The following TLK2 variants were observed in gnomAD, a reference collection of about 807,000 sequenced individuals.
TLK2 encodes tousled like kinase 2, also known as serine/threonine-protein kinase tousled-like 2.
A neutral mutation model predicts 117.3 loss-of-function variants in TLK2; 6 were observed. That is an observed-to-expected ratio of 0.05 (90% CI 0.03 to 0.10). The LOEUF is 0.10. Ranked by LOEUF, TLK2 falls within the 10% of genes least tolerant of loss-of-function variation. The pLI is 1.00. For synonymous variants in TLK2, 257 were observed against 316.7 expected (o/e 0.81, Z 2.00); for missense variants, 299 against 901.2 (o/e 0.33, Z 8.56).
chr17:62,568,934 ATCT>A (rs2080033638), intron 11 of TLK2, among the ~76,000 whole-genome samples: 1 of 152,070 alleles, frequency 6.6e-6, no homozygotes, highest in African/African-American at 2.4e-5. Context: ...TAAACATTAG[ATCT>A]TCTTTAGGTA....
intron 1 of TLK2, among the ~76,000 whole-genome samples, chr17:62,472,005 G>A (rs71375852): frequency 0.042 from 5,785 of 139,266 alleles, 168 homozygotes; most frequent in Non-Finnish European, 0.063. Context: ...TCCTGGGTTC[G>A]TGCCATTCTC....
At position 62,576,724 on chromosome 17, in the gene TLK2, A is replaced by T. The variant is rs374459580; in HGVS notation, c.1137A>T (p.Glu379Asp). ...GAENETLTLA[E>D]YHEQEEIFKL... ...TGTTTTTCAGGTTAACGTTAGCAGAATACCATGAACAAGAAGAAATCTTCA... is the reference window on the plus strand; with the variant it reads ...TGTTTTTCAGGTTAACGTTAGCAGATTACCATGAACAAGAAGAAATCTTCA... The change falls in exon 13 of 22, where the codon GAA (glutamate) becomes GAT (aspartate). Residue 379 changes from glutamate to aspartate, a missense_variant. Physicochemically the swap from Glu to Asp is conservative, Grantham distance 45. This residue lies in a region of TLK2 where 94 missense variants were observed against 282.6 expected (regional missense o/e 0.33). Coordinates refer to ENST00000346027, the MANE Select transcript of TLK2 (RefSeq NM_006852.6). 2.7e-5 allele frequency: 43 copies of T among 1,613,386 alleles called. No homozygotes were observed. Among genetic ancestry groups the T allele is most frequent in the Non-Finnish European group, 3.5e-5 (41 of 1,179,588 alleles).
At chr17:62,504,633 A>T (rs2074506124) in intron 2 of TLK2, among the ~76,000 whole-genome samples, 1 of 151,786 alleles carries the variant, frequency 6.6e-6, no homozygotes, top group Non-Finnish European at 1.5e-5. Context: ...GTAGGACCCC[A>T]CCTCTACCAA....
intron 2 of TLK2, among the ~76,000 whole-genome samples, chr17:62,497,536 T>C (rs1320911355): frequency 6.6e-6 from 1 of 152,148 alleles, no homozygotes; most frequent in African/African-American, 2.4e-5. Context: ...TTTCCCCCAT[T>C]ATTAGACTGA....
At chr17:62,547,361 A>G (rs2078026316) in intron 7 of TLK2, among the ~76,000 whole-genome samples, 1 of 151,024 alleles carries the variant, frequency 6.6e-6, no homozygotes, top group Non-Finnish European at 1.5e-5. Context: ...CTTTTTGGTA[A>G]CATAGTCTCT....
At chr17:62,576,662 AC>A (rs1343656429) in intron 12 of TLK2, 46 bp from the exon 13 acceptor site, 7 of 1,433,496 alleles carry the variant, frequency 4.9e-6, no homozygotes, top group Non-Finnish European at 6.9e-6. Flanking sequence ...AAACAGGCAA[AC>A]TATGATTTCT....
In TLK2 at chr17:62,615,329, C is replaced by T. The variant is rs1333318235; in HGVS notation, c.*2764C>T. ...TTTGTTAATATGGGTTTCACTTTTT[C>T]CAAGAATAGTCCCTTGTTGCCACAA... On this transcript the variant is annotated 3_prime_UTR_variant, in exon 22 of 22. Coordinates refer to ENST00000346027, the MANE Select transcript of TLK2 (RefSeq NM_006852.6). The T allele has an allele frequency of 6.6e-6, 1 of 152,136 alleles. No individual in the cohort carries two copies. Among genetic ancestry groups the T allele is most frequent in the African/African-American group, 2.4e-5 (1 of 41,434 alleles). 9.4% of individuals were successfully genotyped at this position (152,136 alleles called of 1,614,324 possible).
upstream of TLK2, among the ~76,000 whole-genome samples, chr17:62,474,382 A>T (rs1443080278): frequency 7.4e-5 from 11 of 147,774 alleles, no homozygotes; most frequent in South Asian, 2.1e-4. Context: ...CCGGCCCTGT[A>T]TTTTTTTTTA....
At chr17:62,490,135 T>C (rs1476906166) in intron 2 of TLK2, among the ~76,000 whole-genome samples, 3 of 152,266 alleles carry the variant, frequency 2.0e-5, no homozygotes, top group African/African-American at 4.8e-5. Flanking sequence ...CAACCAGTTA[T>C]AGAATATTCT....
chr17:62,610,009 C>T (rs2083613361), intron 21 of TLK2, among the ~76,000 whole-genome samples: 1 of 152,182 alleles, frequency 6.6e-6, no homozygotes, highest in African/African-American at 2.4e-5. Context: ...TAGCTAGCTG[C>T]TCTCACTACC....
At position 62,571,900 on chromosome 17, in the gene TLK2, G is replaced by A. The variant is rs562322471; in HGVS notation, c.969-1315G>A. On this transcript the variant is annotated intron_variant, in intron 11 of 21. Coordinates refer to ENST00000346027, the MANE Select transcript of TLK2 (RefSeq NM_006852.6). ...AAATTAGATTTTGCCGGGCACGGTG[G>A]CTCATGCCTGTAATCCCAGCACTTT... 7.2e-5 allele frequency among the ~76,000 whole-genome samples: 11 copies of A among 152,266 alleles called. 1 individual carries two copies. Among genetic ancestry groups the A allele is most frequent in the Admixed American group, 7.2e-4 (11 of 15,290 alleles).
At chr17:62,478,541 G>T (rs1333877065), upstream of TLK2, among the ~76,000 whole-genome samples, 1 of 149,974 alleles carries the variant, frequency 6.7e-6, no homozygotes, top group Non-Finnish European at 1.5e-5. Flanking sequence ...TCGCGTTGCG[G>T]CCCGTCAGCC....
chr17:62,496,184 CT>C (rs2073664351), intron 2 of TLK2, among the ~76,000 whole-genome samples: 1 of 152,006 alleles, frequency 6.6e-6, no homozygotes, highest in African/African-American at 2.4e-5. Context: ...ATTATATAAA[CT>C]ATTGTGCATT....
chr17:62,484,129 T>C (rs2072037650), intron 2 of TLK2, among the ~76,000 whole-genome samples: 1 of 151,968 alleles, frequency 6.6e-6, no homozygotes, highest in South Asian at 2.1e-4. Flanking sequence ...GCTTAAGTAG[T>C]CGTATGTTAC....
chr17:62,529,914 G>T (rs1441114422), intron 6 of TLK2, among the ~76,000 whole-genome samples: 1 of 151,582 alleles, frequency 6.6e-6, no homozygotes, highest in Non-Finnish European at 1.5e-5. Context: ...ACCACATACC[G>T]CCGGGCGTGG....
intron 16 of TLK2, among the ~76,000 whole-genome samples, chr17:62,591,119 C>T (rs1316750497): frequency 2.6e-5 from 4 of 152,002 alleles, no homozygotes; most frequent in Admixed American, 6.6e-5. Flanking sequence ...CATGGTGGCA[C>T]GCACCTGTAA....
At chr17:62,530,668 G>C (rs1473653993) in intron 6 of TLK2, among the ~76,000 whole-genome samples, 4 of 152,032 alleles carry the variant, frequency 2.6e-5, no homozygotes, top group Non-Finnish European at 5.9e-5. Flanking sequence ...ATCAGTGTTC[G>C]TTTAGGTTTA....
chr17:62,598,495 A>C (rs535232696), intron 17 of TLK2, among the ~76,000 whole-genome samples: 11 of 151,028 alleles, frequency 7.3e-5, no homozygotes, highest in African/African-American at 1.2e-4. Context: ...GTGAGGCTTT[A>C]TTTTCTTTTC....
intron 7 of TLK2, among the ~76,000 whole-genome samples, chr17:62,541,893 A>G (rs1394017526): frequency 2.0e-5 from 3 of 152,204 alleles, no homozygotes; most frequent in African/African-American, 7.2e-5. Flanking sequence ...CTCATTCTGT[A>G]CCACCACACT....
Sources: gnomAD v4.1 joint callset for allele counts (sites outside exome capture counted in the v4.1 genomes callset) on GRCh38, gnomAD v4.1.1 for gene constraint, gnomAD v4.1.1 regional missense constraint, MANE v1.5 for transcripts, NCBI Gene and HGNC (gene_info 2026-07-23, HGNC 2026-07-21) for gene names.